ARHGAP15: variants seen among roughly 807,000 people sequenced by gnomAD.
ARHGAP15 encodes Rho GTPase activating protein 15.
ARHGAP15 carries 51 observed loss-of-function variants against 63.7 expected under a neutral mutation model. The observed-to-expected ratio is 0.80, with a 90% CI of 0.64 to 1.01. The LOEUF (loss-of-function observed/expected upper bound fraction) is 1.01, where lower values mean the gene tolerates loss of function less well. Ranked by LOEUF, ARHGAP15 falls within the 50% of genes least tolerant of loss-of-function variation. ARHGAP15 has a pLI of 0.00. For synonymous variants in ARHGAP15, 191 were observed against 193.8 expected, an observed-to-expected ratio of 0.99 and a Z score of 0.12; for missense variants, 560 against 564.6, an observed-to-expected ratio of 0.99 and a Z score of 0.08.
chr2:143,642,452 A>G (rs1036947707), intron 12 of ARHGAP15, among the ~76,000 whole-genome samples: 2 of 152,112 alleles, frequency 1.3e-5, no homozygotes, highest in African/African-American at 4.8e-5. Context: ...AAAAAAAATC[A>G]TGAGGAAACC....
At chr2:143,368,004 A>T (rs1686369787) in intron 6 of ARHGAP15, among the ~76,000 whole-genome samples, 1 of 152,052 alleles carries the variant, frequency 6.6e-6, no homozygotes, top group Admixed American at 6.6e-5. Flanking sequence ...TTATTTCAAG[A>T]GAGAGATGTT....
intron 6 of ARHGAP15, among the ~76,000 whole-genome samples, chr2:143,353,240 T>C (rs927286357): frequency 6.6e-6 from 1 of 152,124 alleles, no homozygotes; most frequent in Admixed American, 6.6e-5. Context: ...CATTGAGCTA[T>C]GATCACACCA....
intron 13 of ARHGAP15, among the ~76,000 whole-genome samples, chr2:143,721,889 A>G (rs1685076332): frequency 6.6e-6 from 1 of 152,072 alleles, no homozygotes; most frequent in African/African-American, 2.4e-5. Context: ...GTTTCACTGT[A>G]TTGCGCAGGC....
chr2:143,135,493 G>A (rs1689099245), intron 1 of ARHGAP15, among the ~76,000 whole-genome samples: 1 of 152,114 alleles, frequency 6.6e-6, no homozygotes, highest in Non-Finnish European at 1.5e-5. Context: ...TGTTTAGTAG[G>A]TAAGAGGTAC....
At chr2:143,643,606 T>A (rs1680721205) in intron 12 of ARHGAP15, among the ~76,000 whole-genome samples, 1 of 152,028 alleles carries the variant, frequency 6.6e-6, no homozygotes, top group African/African-American at 2.4e-5. Context: ...CTCTCCAGGT[T>A]ATTAATATGC....
At position 143,768,002 on chromosome 2, in the gene ARHGAP15, G is replaced by C. The variant is rs372450277; in HGVS notation, c.1258G>C (p.Ala420Pro). Residue 420 changes from alanine to proline, a missense_variant, in exon 14 of 14, where the codon GCC becomes CCC. Coordinates refer to ENST00000295095, the MANE Select transcript of ARHGAP15 (RefSeq NM_018460.4). ...CTCTCTCCACAGGATAGTGGCCAAA[G>C]CCTCCAAGAACCTCATGTCCACGCA... ...FGHLTKIVAK[A>P]SKNLMSTQSL... is the part of the protein sequence containing the mutation. 314 of 1,613,210 alleles carry C rather than the reference G, an allele frequency of 1.9e-4. No homozygotes were observed. The highest frequency in any genetic ancestry group is 2.6e-4 in the Non-Finnish European group (306 of 1,179,608).
chr2:143,697,839 C>T (rs556037273), intron 12 of ARHGAP15, among the ~76,000 whole-genome samples: 37 of 152,256 alleles, frequency 2.4e-4, no homozygotes, highest in African/African-American at 7.5e-4. Flanking sequence ...ACTCCTTCCT[C>T]CTGTAAGCAA....
intron 6 of ARHGAP15, among the ~76,000 whole-genome samples, chr2:143,384,408 T>C (rs1687181367): frequency 6.6e-6 from 1 of 152,162 alleles, no homozygotes; most frequent in Non-Finnish European, 1.5e-5. Context: ...AAGGTTTTCA[T>C]ACCTTCTTTT....
At chr2:143,524,910 ACAGTATAGTAG>A (rs1694199991) in intron 10 of ARHGAP15, among the ~76,000 whole-genome samples, 1 of 152,224 alleles carries the variant, frequency 6.6e-6, no homozygotes, top group Non-Finnish European at 1.5e-5. Flanking sequence ...TACCCATTGT[ACAGTATAGTAG>A]CAAGCATTGT....
intron 10 of ARHGAP15, among the ~76,000 whole-genome samples, chr2:143,540,430 G>C (rs994254516): frequency 6.6e-5 from 10 of 152,128 alleles, no homozygotes; most frequent in Non-Finnish European, 1.2e-4. Flanking sequence ...TATGTTAGCT[G>C]GTTATTTTGC....
intron 6 of ARHGAP15, among the ~76,000 whole-genome samples, chr2:143,421,152 T>C (rs1423018843): frequency 2.6e-5 from 4 of 152,114 alleles, no homozygotes; most frequent in Non-Finnish European, 5.9e-5. Context: ...TCTTCTTTTA[T>C]AAAGGAACTC....
intron 6 of ARHGAP15, among the ~76,000 whole-genome samples, chr2:143,414,528 TAATAA>T (rs926503574): frequency 7.2e-4 from 109 of 152,044 alleles, no homozygotes; most frequent in African/African-American, 2.5e-3. Flanking sequence ...ATTTGAAAAA[TAATAA>T]AATATCTGTA....
intron 1 of ARHGAP15, among the ~76,000 whole-genome samples, chr2:143,131,065 G>A (rs552989221): frequency 1.5e-4 from 23 of 152,166 alleles, no homozygotes; most frequent in African/African-American, 5.1e-4. Flanking sequence ...ATTGTTTAAT[G>A]CTTTTAAAAA....
At chr2:143,240,663 C>A (rs1437385387) in intron 5 of ARHGAP15, among the ~76,000 whole-genome samples, 3 of 151,990 alleles carry the variant, frequency 2.0e-5, no homozygotes, top group Non-Finnish European at 4.4e-5. Flanking sequence ...TAGATTGCAC[C>A]ATCATATGGC....
At chr2:143,313,568 A>G (rs2105196676) in intron 6 of ARHGAP15, among the ~76,000 whole-genome samples, 1 of 152,174 alleles carries the variant, frequency 6.6e-6, no homozygotes, top group East Asian at 1.9e-4. Context: ...GGAGGCAAGG[A>G]GTGTGTGTAT....
At chr2:143,576,687 G>C (rs1696694181) in intron 11 of ARHGAP15, among the ~76,000 whole-genome samples, 1 of 152,018 alleles carries the variant, frequency 6.6e-6, no homozygotes, top group Admixed American at 6.6e-5. Flanking sequence ...TCAGAAGAAG[G>C]GAGGATTATA....
chr2:143,289,467 G>A (rs948984901), intron 6 of ARHGAP15, among the ~76,000 whole-genome samples: 1 of 152,182 alleles, frequency 6.6e-6, no homozygotes, highest in Non-Finnish European at 1.5e-5. Flanking sequence ...ATTCCCTCAT[G>A]TGAGTATTAA....
At chr2:143,762,444 C>T (rs1478261350) in intron 13 of ARHGAP15, among the ~76,000 whole-genome samples, 1 of 152,086 alleles carries the variant, frequency 6.6e-6, no homozygotes, top group Non-Finnish European at 1.5e-5. Context: ...CCTAATGAAA[C>T]CTAAGCCCTA....
chr2:143,529,013 C>T (rs1694408569), intron 10 of ARHGAP15, among the ~76,000 whole-genome samples: 1 of 152,116 alleles, frequency 6.6e-6, no homozygotes, highest in East Asian at 1.9e-4. Context: ...CCTTCAATGA[C>T]TTCAGAGCTC....
Sources: allele counts gnomAD v4.1 joint callset (sites outside exome capture counted in the v4.1 genomes callset), GRCh38; gene constraint gnomAD v4.1.1; transcripts MANE v1.5; gene names NCBI Gene and HGNC (gene_info 2026-07-23, HGNC 2026-07-21).